TTC19: variants seen among roughly 807,000 people sequenced by gnomAD.
TTC19 encodes the protein tetratricopeptide repeat protein 19, mitochondrial.
A neutral mutation model predicts 49.5 loss-of-function variants in TTC19; 38 were observed. The ratio of observed to expected loss-of-function variants is 0.77; its 90% CI spans 0.59 to 1.01. The LOEUF (loss-of-function observed/expected upper bound fraction) is 1.01. Ranked by LOEUF, TTC19 falls within the 50% of genes least tolerant of loss-of-function variation. The probability of loss-of-function intolerance (pLI) is 0.00; values close to 1 mark genes in which losing one functional copy is unlikely to be tolerated. For missense variants in TTC19, 475 were observed against 477.7 expected, an observed-to-expected ratio of 0.99 and a Z score of 0.05; for synonymous variants, 204 against 185.2, an observed-to-expected ratio of 1.10 and a Z score of -0.83.
chr17:16,020,865 G>A (rs1018110781), intron 7 of TTC19, among the ~76,000 whole-genome samples: 1 of 152,084 alleles, frequency 6.6e-6, no homozygotes, highest in African/African-American at 2.4e-5. Context: ...GGTGGTGGGG[G>A]AGAGTAGAGA....
intron 7 of TTC19, among the ~76,000 whole-genome samples, chr17:16,007,134 T>C (rs2151653251): frequency 6.6e-6 from 1 of 152,278 alleles, no homozygotes; most frequent in African/African-American, 2.4e-5. Flanking sequence ...ACCGAGATGG[T>C]AGGGATACAG....
chr17:16,021,875 A>G (rs1187949107), intron 7 of TTC19, among the ~76,000 whole-genome samples: 1 of 152,156 alleles, frequency 6.6e-6, no homozygotes, highest in East Asian at 1.9e-4. Flanking sequence ...GAGATTCCAG[A>G]ATAGTTTTGT....
intron 2 of TTC19, among the ~76,000 whole-genome samples, chr17:16,035,666 C>G (rs530792419): frequency 6.6e-6 from 1 of 152,024 alleles, no homozygotes; most frequent in South Asian, 2.1e-4. Flanking sequence ...ACCTCAGACC[C>G]AAGTAGCTGG....
intron 2 of TTC19, chr17:16,040,384 GGACT>G: frequency 6.9e-7 from 1 of 1,441,542 alleles, no homozygotes; most frequent in South Asian, 1.2e-5. Flanking sequence ...CATATTTGTT[GGACT>G]GACTACTGCT....
At chr17:16,044,821 A>G in exon 3 of TTC19, 1 of 1,085,184 alleles carries the variant, frequency 9.2e-7, no homozygotes, top group Non-Finnish European at 1.4e-6. Context: ...GGGCTGGTGG[A>G]CCTGCTCCAG....
intron 3 of TTC19, 162 bp from the exon 4 acceptor site, chr17:16,002,631 T>G (rs542179239): frequency 1.4e-6 from 1 of 701,016 alleles, no homozygotes; most frequent in South Asian, 1.5e-5. Context: ...TCTCACATGA[T>G]TGCTGTCCTG....
Position 16,000,172 on chromosome 17 carries a change from CCGACGGGGCCGCTGCCGAGGACGGGG to C in TTC19, c.242_267del (p.Asp81GlyfsTer22). 1 of 1,591,056 alleles carries C rather than the reference CCGACGGGGCCGCTGCCGAGGACGGGG, an allele frequency of 6.3e-7. No homozygotes were observed. The highest frequency in any genetic ancestry group is 8.5e-7 in the Non-Finnish European group (1 of 1,177,368). On this transcript the variant is annotated frameshift_variant, in exon 2 of 10. Transcript: ENST00000261647. LOFTEE classifies it high-confidence loss of function. ...GCAGAGGAGGAGGAGCAGCAGGGAG[CCGACGGGGCCGCTGCCGAGGACGGGG>C]CGGACGAGGCCGAGGCAGAGATCAT... is the stretch of plus-strand genomic sequence containing the variant.
At chr17:16,017,427 C>T (rs970205985) in intron 7 of TTC19, among the ~76,000 whole-genome samples, 107 of 109,584 alleles carry the variant, frequency 9.8e-4, no homozygotes, top group Admixed American at 3.0e-3. Context: ...CCAGCCTGGG[C>T]GACAGAGTGA....
At chr17:16,038,434 T>TC (rs2056872181) in intron 2 of TTC19, among the ~76,000 whole-genome samples, 1 of 100,586 alleles carries the variant, frequency 9.9e-6, no homozygotes, top group Non-Finnish European at 2.2e-5. Flanking sequence ...TTTTTCCTAC[T>TC]CTTTTTTTTT....
intron 7 of TTC19, among the ~76,000 whole-genome samples, chr17:16,017,975 A>G (rs2151668950): frequency 6.6e-6 from 1 of 152,318 alleles, no homozygotes; most frequent in Middle Eastern, 3.4e-3. Flanking sequence ...TCTTAAAGAC[A>G]GTTGACTCAG....
rs1597451074 is a variant in TTC19 at position 16,004,017 on chromosome 17, A to G, written c.519+130A>G. 3.4e-6 allele frequency: 4 copies of G among 1,165,952 alleles called. No individual in the cohort carries two copies. In the South Asian group the frequency reaches 3.8e-5, roughly 11 times the overall value. The allele number at this position is 1,165,952 out of a possible 1,614,324, so 72.2% of individuals were successfully genotyped here. A position where few individuals can be genotyped will look rare whatever the true frequency, so the allele number is the denominator to read the frequency against. ...GTGGAGTTTCCCTTCTGAGATCTCT[A>G]TACAAATTGCCATTCTTTCACTAAA... is the stretch of plus-strand genomic sequence containing the variant. On this transcript the variant is annotated intron_variant, in intron 5 of 9. Coordinates refer to ENST00000261647, the MANE Select transcript of TTC19 (RefSeq NM_017775.4).
rs374903591 is a variant in TTC19, at chr17:16,010,588, C to A, written c.676+4020C>A. Among the ~76,000 whole-genome samples, 20 of 152,172 alleles carry A rather than the reference C, an allele frequency of 1.3e-4. No homozygotes were observed. In the East Asian group the frequency reaches 2.3e-3, roughly 18 times the overall value. On this transcript the variant is annotated intron_variant, in intron 7 of 9. Coordinates refer to ENST00000261647, the MANE Select transcript of TTC19 (RefSeq NM_017775.4). ...CTCCCCGGTTCAAGCGATTCTCCTG[C>A]CTCAGCCTCCCGAGTAGCTGGGACT...
At chr17:16,001,267 C>T (rs769563251) in intron 2 of TTC19, among the ~76,000 whole-genome samples, 2 of 152,192 alleles carry the variant, frequency 1.3e-5, no homozygotes, top group Non-Finnish European at 2.9e-5. Flanking sequence ...CCCACATGAT[C>T]TAAACCAGCA....
In TTC19 at chr17:16,027,389, C is replaced by CA; in HGVS notation, c.1014dup (p.Glu339ArgfsTer16). ...GTTATTTTAGAACGATATACACAAG[C>CA]AAAAGAGATCTACCAGGAAGCACTG... On this transcript the variant is annotated frameshift_variant, in exon 10 of 10. Transcript: ENST00000261647. LOFTEE classifies it high-confidence loss of function. 1 of 1,614,030 alleles carries CA rather than the reference C, an allele frequency of 6.2e-7. No individual in the cohort carries two copies. The highest frequency in any genetic ancestry group is 8.5e-7 in the Non-Finnish European group (1 of 1,179,932).
chr17:16,040,816 G>A, intron 2 of TTC19: 1 of 309,062 alleles, frequency 3.2e-6, no homozygotes, highest in Non-Finnish European at 6.2e-6. Context: ...GACTGCTTGA[G>A]CATAGGAATT....
In TTC19 at chr17:16,025,114, GA is replaced by G; in HGVS notation, c.775del (p.Met259CysfsTer23). 6.2e-7 allele frequency: 1 copy of G among 1,613,960 alleles called. No individual in the cohort carries two copies. The highest frequency in any genetic ancestry group is 1.1e-5 in the South Asian group (1 of 91,076). On this transcript the variant is annotated frameshift_variant, in exon 8 of 10. Transcript: ENST00000261647. LOFTEE classifies it high-confidence loss of function. ...CCAAGCAGCCGTCACAGGCACAAAG[GA>G]TGTATGAAAAAGCTCTGCAGATTTC... ...FSKQPSQAQR[M>X]YEKALQISEE...
rs768494133 is a variant in TTC19, at chr17:16,040,304, T to G, written c.248-4199T>G. On this transcript the variant is annotated intron_variant, in intron 2 of 2. Transcript: ENST00000470649. ...TCTGTGCTACTGGGTAAACCTTCCT[T>G]CACTAAATTATTTATTTATTTTTCC... 3 of 768,270 alleles carry G rather than the reference T, an allele frequency of 3.9e-6. No individual in the cohort carries two copies. The South Asian group carries it at 4.4e-5, about 11-fold the overall frequency. 47.6% of individuals were successfully genotyped at this position (768,270 alleles called of 1,614,324 possible). A position where few individuals can be genotyped will look rare whatever the true frequency, so the allele number is the denominator to read the frequency against.
At chr17:16,001,327 C>T (rs1970725229) in intron 2 of TTC19, among the ~76,000 whole-genome samples, 1 of 152,184 alleles carries the variant, frequency 6.6e-6, no homozygotes, top group African/African-American at 2.4e-5. Context: ...ACCATCCTCC[C>T]TTCACATCTA....
At chr17:16,014,698 T>A (rs1394693974) in intron 7 of TTC19, among the ~76,000 whole-genome samples, 1 of 152,190 alleles carries the variant, frequency 6.6e-6, no homozygotes, top group African/African-American at 2.4e-5. Context: ...AAAGGAAATA[T>A]TCCAAACTCA....
Sources: allele counts gnomAD v4.1 joint callset (sites outside exome capture counted in the v4.1 genomes callset), GRCh38; gene constraint gnomAD v4.1.1; transcripts MANE v1.5; gene names NCBI Gene and HGNC (gene_info 2026-07-23, HGNC 2026-07-21).